The following GABRB1 variants were observed in gnomAD, a reference collection of about 807,000 sequenced individuals.
GABRB1 encodes gamma-aminobutyric acid type A receptor subunit beta1.
GABRB1 carries 17 observed loss-of-function variants against 51.6 expected under a neutral mutation model. The ratio of observed to expected loss-of-function variants is 0.33; its 90% CI spans 0.23 to 0.49. The LOEUF is 0.49. Among genes scored for constraint, GABRB1 ranks in the 20% least tolerant of loss-of-function variants. GABRB1 has a pLI of 0.99. For synonymous variants in GABRB1, 247 were observed against 218.9 expected (o/e 1.13, Z -1.14); for missense variants, 410 against 600.6 (o/e 0.68, Z 3.32).
At chr4:47,110,504 A>G (rs1715171926) in intron 3 of GABRB1, among the ~76,000 whole-genome samples, 1 of 152,186 alleles carries the variant, frequency 6.6e-6, no homozygotes, top group Non-Finnish European at 1.5e-5. Context: ...TATGTTTGTC[A>G]AATCTTTGCT....
chr4:47,073,687 C>T lies in GABRB1; in HGVS notation c.240+41203C>T, dbSNP rs557474381. 1.8e-3 allele frequency among the ~76,000 whole-genome samples: 275 copies of T among 152,266 alleles called. 4 individuals carry two copies. Among genetic ancestry groups the T allele is most frequent in the African/African-American group, 6.5e-3 (270 of 41,568 alleles). Reference sequence around the variant, plus strand: ...GCCGTAATCTCCTGCCTTTAAGCTGCTAATAATTATAAATCTGAAAGTTTG... The same window carrying T: ...GCCGTAATCTCCTGCCTTTAAGCTGTTAATAATTATAAATCTGAAAGTTTG... On this transcript the variant is annotated intron_variant, in intron 3 of 8. Transcript: ENST00000295454.
intron 1 of GABRB1, among the ~76,000 whole-genome samples, chr4:47,020,969 C>T (rs1202065085): frequency 6.6e-6 from 1 of 152,200 alleles, no homozygotes; most frequent in Non-Finnish European, 1.5e-5. Flanking sequence ...TATCTTTGCA[C>T]TTGCAGTTTT....
At chr4:47,306,824 T>C (rs1271602098) in intron 4 of GABRB1, among the ~76,000 whole-genome samples, 1 of 152,174 alleles carries the variant, frequency 6.6e-6, no homozygotes, top group African/African-American at 2.4e-5. Flanking sequence ...TCATTTTAAA[T>C]GCTGTAAAGT....
At chr4:47,189,291 G>A (rs1360354197) in intron 4 of GABRB1, among the ~76,000 whole-genome samples, 1 of 151,906 alleles carries the variant, frequency 6.6e-6, no homozygotes, top group African/African-American at 2.4e-5. Flanking sequence ...GCCAAGATAA[G>A]TGGGTTCCTT....
chr4:47,252,202 C>T lies in GABRB1; in HGVS notation c.462-67925C>T, dbSNP rs576600318. On this transcript the variant is annotated intron_variant, in intron 4 of 8. Coordinates refer to ENST00000295454, the MANE Select transcript of GABRB1 (RefSeq NM_000812.4). ...AGCTCCCAAGGCCTTTCTGCTGCTT[C>T]CTCTACCCCTGTATTTCTCTTGGGT... is the stretch of plus-strand genomic sequence containing the variant. Among the ~76,000 whole-genome samples the T allele has an allele frequency of 9.9e-5, 15 of 151,758 alleles. 1 individual carries two copies. The South Asian group carries it at 2.5e-3, about 25-fold the overall frequency.
intron 3 of GABRB1, among the ~76,000 whole-genome samples, chr4:47,056,856 C>G (rs926618153): frequency 2.0e-5 from 3 of 152,158 alleles, no homozygotes; most frequent in Admixed American, 2.0e-4. Flanking sequence ...GCCTGTACTC[C>G]CAGCACTTTG....
At chr4:47,032,861 C>T in intron 3 of GABRB1, 1 of 410,494 alleles carries the variant, frequency 2.4e-6, no homozygotes. Flanking sequence ...CGGTGGTCGG[C>T]AGCCATCACC....
At chr4:47,354,206 T>C (rs187741058) in intron 5 of GABRB1, among the ~76,000 whole-genome samples, 264 of 152,334 alleles carry the variant, frequency 1.7e-3, no homozygotes, top group African/African-American at 6.0e-3. Context: ...CATTGACTGG[T>C]TTAATGGTCC....
At chr4:47,060,737 T>C (rs1726814492) in intron 3 of GABRB1, among the ~76,000 whole-genome samples, 2 of 152,164 alleles carry the variant, frequency 1.3e-5, no homozygotes, top group South Asian at 4.1e-4. Context: ...TTCAGCAGCC[T>C]CGATTAATTT....
At chr4:47,167,090 C>A (rs1718223163) in intron 4 of GABRB1, among the ~76,000 whole-genome samples, 1 of 152,038 alleles carries the variant, frequency 6.6e-6, no homozygotes, top group Non-Finnish European at 1.5e-5. Context: ...CTCTCTCAAA[C>A]CAAATAGATG....
At chr4:47,174,028 T>C (rs1024052836) in intron 4 of GABRB1, among the ~76,000 whole-genome samples, 12 of 152,126 alleles carry the variant, frequency 7.9e-5, no homozygotes, top group Non-Finnish European at 1.6e-4. Flanking sequence ...CAAGTCTCTG[T>C]TCAATTGTTC....
At chr4:47,302,316 G>T (rs953709995) in intron 4 of GABRB1, among the ~76,000 whole-genome samples, 2 of 151,946 alleles carry the variant, frequency 1.3e-5, no homozygotes, top group Non-Finnish European at 2.9e-5. Context: ...TAGAAAATTT[G>T]AATGTAAAAT....
intron 3 of GABRB1, among the ~76,000 whole-genome samples, chr4:47,109,114 TA>T (rs1309509293): frequency 6.6e-6 from 1 of 152,140 alleles, no homozygotes; most frequent in Non-Finnish European, 1.5e-5. Context: ...ATATTACTAA[TA>T]TTTTTAGCAG....
intron 8 of GABRB1, among the ~76,000 whole-genome samples, chr4:47,422,213 T>TTATC (rs753058482): frequency 6.6e-6 from 1 of 152,180 alleles, no homozygotes; most frequent in African/African-American, 2.4e-5. Flanking sequence ...AGGTAGCCTG[T>TTATC]TATCCTTCCA....
chr4:47,234,570 A>T (rs975146472), intron 4 of GABRB1, among the ~76,000 whole-genome samples: 7 of 151,972 alleles, frequency 4.6e-5, no homozygotes, highest in Admixed American at 3.3e-4. Flanking sequence ...CTTCATTTTT[A>T]AAAAATACCC....
intron 8 of GABRB1, among the ~76,000 whole-genome samples, chr4:47,407,135 C>T (rs1002310462): frequency 6.6e-6 from 1 of 152,130 alleles, no homozygotes; most frequent in Non-Finnish European, 1.5e-5. Context: ...TGGAACTCAA[C>T]CCCAAGTCCA....
chr4:47,124,669 G>A (rs74896193), intron 3 of GABRB1, among the ~76,000 whole-genome samples: 1 of 152,116 alleles, frequency 6.6e-6, no homozygotes, highest in African/African-American at 2.4e-5. Flanking sequence ...AATAGAAATT[G>A]CAGAAAAGAA....
At chr4:47,218,524 A>T (rs555233444) in intron 4 of GABRB1, among the ~76,000 whole-genome samples, 1 of 151,988 alleles carries the variant, frequency 6.6e-6, no homozygotes, top group South Asian at 2.1e-4. Context: ...GATTATAGCC[A>T]TTCTCACTGG....
At chr4:47,156,438 C>T (rs1411890441) in intron 3 of GABRB1, among the ~76,000 whole-genome samples, 1 of 152,024 alleles carries the variant, frequency 6.6e-6, no homozygotes, top group South Asian at 2.1e-4. Context: ...AGTGAAGGAG[C>T]ATCTCTGGCC....
Sources: gnomAD v4.1 joint callset for allele counts (sites outside exome capture counted in the v4.1 genomes callset) on GRCh38, gnomAD v4.1.1 for gene constraint, MANE v1.5 for transcripts, NCBI Gene and HGNC (gene_info 2026-07-23, HGNC 2026-07-21) for gene names.